The following ZNF367 variants were observed in gnomAD, a reference collection of about 807,000 sequenced individuals.
The protein encoded by ZNF367 is zinc finger protein 367.
Under a neutral mutation model 31.8 loss-of-function variants are expected in ZNF367, and 11 were observed. That is an observed-to-expected ratio of 0.35 (90% CI 0.22 to 0.57). ZNF367 has a LOEUF of 0.57. ZNF367 is among the 20% of genes least tolerant of loss of function. The pLI is 0.85. For missense variants in ZNF367, 353 were observed against 484.1 expected (o/e 0.73, Z 2.54); for synonymous variants, 199 against 202.4 (o/e 0.98, Z 0.14).
chr9:96,414,501 G>C (rs1831792608), intron 1 of ZNF367, among the ~76,000 whole-genome samples: 1 of 151,354 alleles, frequency 6.6e-6, no homozygotes, highest in Non-Finnish European at 1.5e-5. Flanking sequence ...TTTTTTTTAA[G>C]ACGGAGTCTC....
At chr9:96,410,797 G>A (rs1038119322) in intron 1 of ZNF367, among the ~76,000 whole-genome samples, 1 of 151,882 alleles carries the variant, frequency 6.6e-6, no homozygotes, top group Non-Finnish European at 1.5e-5. Context: ...AGAATCGCTT[G>A]AACCCGGGAG....
At chr9:96,402,250 A>G (rs1490604733) in intron 1 of ZNF367, among the ~76,000 whole-genome samples, 1 of 151,968 alleles carries the variant, frequency 6.6e-6, no homozygotes, top group African/African-American at 2.4e-5. Context: ...GCTAGACTCC[A>G]TCTCCAAAAA....
In ZNF367 at chr9:96,417,167, G is replaced by C. The variant is rs190499756; in HGVS notation, c.420+446C>G. Among the ~76,000 whole-genome samples the C allele has an allele frequency of 6.6e-6, 1 of 152,176 alleles. No homozygotes were observed. Among genetic ancestry groups the C allele is most frequent in the Non-Finnish European group, 1.5e-5 (1 of 68,034 alleles). ...GCCCAGAAGTCCTTTCTTGCTCTTC[G>C]GCTGTCTCTGCAGGGCATCTTTTAA... On this transcript the variant is annotated intron_variant, in intron 1 of 4. Transcript: ENST00000375256. This position sits in a 1 kb window ranked among gnomAD's most constrained non-coding sequence, Gnocchi z 5.0.
intron 1 of ZNF367, among the ~76,000 whole-genome samples, chr9:96,406,997 A>C (rs1831678554): frequency 1.1e-5 from 1 of 94,544 alleles, no homozygotes; most frequent in Non-Finnish European, 1.9e-5. Flanking sequence ...GCAAGACTCC[A>C]TCTCAAAAAA....
intron 1 of ZNF367, among the ~76,000 whole-genome samples, chr9:96,414,878 G>T (rs967282718): frequency 6.6e-6 from 1 of 152,092 alleles, no homozygotes; most frequent in African/African-American, 2.4e-5. Flanking sequence ...ATCTTCTTGG[G>T]TGATCCAGAA....
intron 1 of ZNF367, among the ~76,000 whole-genome samples, chr9:96,403,602 A>G (rs956365507): frequency 6.6e-6 from 1 of 152,194 alleles, no homozygotes; most frequent in Middle Eastern, 3.2e-3. Flanking sequence ...ACACTTCCCA[A>G]TTTCAAAACT....
At chr9:96,399,187 T>C (rs528702522) in intron 1 of ZNF367, among the ~76,000 whole-genome samples, 1 of 152,182 alleles carries the variant, frequency 6.6e-6, no homozygotes, top group Admixed American at 6.5e-5. Flanking sequence ...GAAAAGACCC[T>C]TTAGCTGAAC....
At chr9:96,406,169 T>A (rs112071976) in intron 1 of ZNF367, among the ~76,000 whole-genome samples, 54 of 152,308 alleles carry the variant, frequency 3.5e-4, no homozygotes, top group African/African-American at 1.3e-3. Flanking sequence ...TGTTTCCCAG[T>A]TAAGTGAACT....
intron 1 of ZNF367, among the ~76,000 whole-genome samples, chr9:96,409,872 A>G (rs993840974): frequency 6.6e-6 from 1 of 152,250 alleles, no homozygotes; most frequent in Non-Finnish European, 1.5e-5. Context: ...CATATCATGA[A>G]TAATTGTTTT....
chr9:96,400,738 G>A (rs1384366277), intron 1 of ZNF367, among the ~76,000 whole-genome samples: 1 of 152,090 alleles, frequency 6.6e-6, no homozygotes, highest in African/African-American at 2.4e-5. Flanking sequence ...ACATATAACT[G>A]GAGTCATAGA....
chr9:96,404,997 G>A (rs192923154), intron 1 of ZNF367, among the ~76,000 whole-genome samples: 3 of 152,226 alleles, frequency 2.0e-5, no homozygotes, highest in Admixed American at 1.3e-4. Context: ...GCCAACAAAT[G>A]CAGTTATATG....
At chr9:96,410,647 G>A (rs906534386) in intron 1 of ZNF367, among the ~76,000 whole-genome samples, 1 of 148,190 alleles carries the variant, frequency 6.7e-6, no homozygotes, top group African/African-American at 2.5e-5. Context: ...AGGCCGAGGT[G>A]GGTGGATCAC....
Position 96,417,444 on chromosome 9 carries a change from C to CCCT in ZNF367, c.420+168_420+169insAGG, listed in dbSNP as rs67746769. Among the ~76,000 whole-genome samples, 106 of 150,944 alleles carry CCCT rather than the reference C, an allele frequency of 7.0e-4. 1 individual carries two copies. The highest frequency in any genetic ancestry group is 2.3e-3 in the African/African-American group (94 of 41,176). ...CCGCCTGTCACGTGACAGGCCCCCC[C>CCCT]CGACTGGGGCCGGTTTTTGGCGCGC... On this transcript the variant is annotated intron_variant, in intron 1 of 4. Coordinates refer to ENST00000375256, the MANE Select transcript of ZNF367 (RefSeq NM_153695.4). The surrounding 1 kb of genome is among the most constrained non-coding windows in gnomAD (Gnocchi z 5.0).
At chr9:96,397,571 G>A (rs1200733051) in intron 2 of ZNF367, among the ~76,000 whole-genome samples, 1 of 152,004 alleles carries the variant, frequency 6.6e-6, no homozygotes, top group Non-Finnish European at 1.5e-5. Flanking sequence ...GGGCAAGTAG[G>A]GGGTAAAACT....
chr9:96,418,034 G>T lies in ZNF367; in HGVS notation c.-2C>A. 2.2e-6 allele frequency: 3 copies of T among 1,366,136 alleles called. No individual in the cohort carries two copies. Among genetic ancestry groups the T allele is most frequent in the African/African-American group, 3.1e-5 (2 of 65,338 alleles). The allele number at this position is 1,366,136 out of a possible 1,614,324, so 84.6% of individuals were successfully genotyped here. On this transcript the variant is annotated 5_prime_UTR_variant, in exon 1 of 5. Coordinates refer to ENST00000375256, the MANE Select transcript of ZNF367 (RefSeq NM_153695.4). ...GGGCGCCTCGAAGCCCCGGATCATC[G>T]CCCGGCCCGACCCCCAGCTCCGGCG...
At chr9:96,393,090 C>T (rs61601160) in intron 3 of ZNF367, among the ~76,000 whole-genome samples, 8 of 151,942 alleles carry the variant, frequency 5.3e-5, no homozygotes, top group Non-Finnish European at 8.8e-5. Flanking sequence ...TCGCAGGGGT[C>T]GGGTGGAGTT....
Position 96,412,250 on chromosome 9 carries a change from G to A in ZNF367, c.420+5363C>T, listed in dbSNP as rs541827351. The stretch of plus-strand genomic sequence containing the variant: ...GACAGATCTTGTCAAGACTGTTGAC[G>A]ATTCGCAACACAAAATTATTAAATT... On this transcript the variant is annotated intron_variant, in intron 1 of 4. Transcript: ENST00000375256. 5.3e-5 allele frequency among the ~76,000 whole-genome samples: 8 copies of A among 152,234 alleles called. No individual in the cohort carries two copies. In the South Asian group the frequency reaches 6.2e-4, roughly 12 times the overall value.
intron 4 of ZNF367, among the ~76,000 whole-genome samples, chr9:96,391,940 C>T (rs1382027379): frequency 6.6e-6 from 1 of 152,220 alleles, no homozygotes; most frequent in East Asian, 1.9e-4. Context: ...CACTACTGCC[C>T]AGGTAATTTT....
At chr9:96,389,896 ATTTTTTT>A (rs777507011) in intron 4 of ZNF367, among the ~76,000 whole-genome samples, 1 of 94,052 alleles carries the variant, frequency 1.1e-5, no homozygotes, top group Non-Finnish European at 2.1e-5. Context: ...TGCCTGGCTA[ATTTTTTT>A]TTTTTTTTTT....
Sources: gnomAD v4.1 joint callset for allele counts (sites outside exome capture counted in the v4.1 genomes callset) on GRCh38, gnomAD v4.1.1 for gene constraint, Gnocchi (gnomAD v3.1) non-coding constraint, MANE v1.5 for transcripts, NCBI Gene and HGNC (gene_info 2026-07-23, HGNC 2026-07-21) for gene names.